PKIA: variants seen among roughly 807,000 people sequenced by gnomAD.
PKIA encodes the protein PKI-alpha.
In PKIA, 4 loss-of-function variants were observed where a neutral mutation model predicts 7.6. The observed-to-expected ratio is 0.52, with a 90% CI of 0.26 to 1.20. The LOEUF (loss-of-function observed/expected upper bound fraction) is 1.20. Ranked by LOEUF, PKIA falls within the 50% of genes most tolerant of loss-of-function variation. The pLI is 0.13. For synonymous variants in PKIA, 21 were observed against 30.7 expected (o/e 0.68, Z 1.04); for missense variants, 73 against 86.2 (o/e 0.85, Z 0.61).
chr8:78,518,070 T>C (rs1460495637), intron 1 of PKIA, among the ~76,000 whole-genome samples: 1 of 152,254 alleles, frequency 6.6e-6, no homozygotes, highest in African/African-American at 2.4e-5. Context: ...GAAAATCGTG[T>C]TAATCATATT....
At chr8:78,594,443 T>A (rs10097605) in intron 2 of PKIA, among the ~76,000 whole-genome samples, 2 of 152,096 alleles carry the variant, frequency 1.3e-5, no homozygotes, top group Admixed American at 6.6e-5. Flanking sequence ...ATGTGTTCTA[T>A]AGGCTGTGCA....
At chr8:78,592,174 A>C (rs938459283) in intron 2 of PKIA, among the ~76,000 whole-genome samples, 11 of 152,230 alleles carry the variant, frequency 7.2e-5, no homozygotes, top group African/African-American at 2.4e-4. Flanking sequence ...TGAGCACTTA[A>C]GGGGAATTCA....
At chr8:78,584,378 C>T (rs1807898884) in intron 2 of PKIA, among the ~76,000 whole-genome samples, 1 of 152,020 alleles carries the variant, frequency 6.6e-6, no homozygotes, top group South Asian at 2.1e-4. Flanking sequence ...GGAAGTATAG[C>T]CAAGCATGGC....
At chr8:78,547,629 C>T (rs1170826789) in intron 1 of PKIA, among the ~76,000 whole-genome samples, 3 of 152,086 alleles carry the variant, frequency 2.0e-5, no homozygotes, top group African/African-American at 4.8e-5. Flanking sequence ...AATTTAAAGA[C>T]ATAAGATGAG....
rs182714461 is a variant in PKIA, at chr8:78,567,342, T to C, written c.-156-5469T>C. 1.0e-3 allele frequency among the ~76,000 whole-genome samples: 153 copies of C among 152,288 alleles called. 1 individual carries two copies. Among genetic ancestry groups the C allele is most frequent in the East Asian group, 9.1e-3 (47 of 5,174 alleles). On this transcript the variant is annotated intron_variant, in intron 1 of 3. Coordinates refer to ENST00000396418, the MANE Select transcript of PKIA (RefSeq NM_006823.4). ...GATACTGTATTACATTTAGTTGTCA[T>C]GTTTTCTTAGGATCCCCTTAGTTGT...
chr8:78,559,715 A>G (rs530508218), intron 1 of PKIA, among the ~76,000 whole-genome samples: 1 of 152,328 alleles, frequency 6.6e-6, no homozygotes, highest in Admixed American at 6.5e-5. Flanking sequence ...ATTCTGGCAA[A>G]CCAGCATAGT....
chr8:78,531,090 T>C, intron 1 of PKIA, among the ~76,000 whole-genome samples: 1 of 152,128 alleles, frequency 6.6e-6, no homozygotes, highest in East Asian at 1.9e-4. Flanking sequence ...ATTAGTCATT[T>C]GCTGTCATTT....
At chr8:78,581,353 T>A (rs889230242) in intron 2 of PKIA, among the ~76,000 whole-genome samples, 2 of 152,248 alleles carry the variant, frequency 1.3e-5, no homozygotes, top group East Asian at 3.9e-4. Flanking sequence ...ATAAATTGAA[T>A]ACATTATGTT....
chr8:78,539,682 G>T (rs934538649), intron 1 of PKIA, among the ~76,000 whole-genome samples: 1 of 151,902 alleles, frequency 6.6e-6, no homozygotes, highest in African/African-American at 2.4e-5. Context: ...AAGAATATGT[G>T]ATTATGTAGT....
chr8:78,519,536 A>G lies in PKIA; in HGVS notation c.-157+3068A>G, dbSNP rs181599815. ...AGGCTCAAATAGAAATGTCATTTCT[A>G]TTCAACCAGTGACTCCACTGAGAAT... On this transcript the variant is annotated intron_variant, in intron 1 of 3. Transcript: ENST00000396418. Among the ~76,000 whole-genome samples the G allele has an allele frequency of 3.8e-4, 58 of 152,346 alleles. No homozygotes were observed. In the East Asian group the frequency reaches 0.011, roughly 29 times the overall value.
intron 1 of PKIA, among the ~76,000 whole-genome samples, chr8:78,564,601 C>T (rs898208123): frequency 1.3e-5 from 2 of 151,736 alleles, no homozygotes; most frequent in African/African-American, 2.4e-5. Flanking sequence ...TAAAAGTGGT[C>T]ATAGCTTTTT....
chr8:78,555,356 A>G (rs905605460), intron 1 of PKIA, among the ~76,000 whole-genome samples: 1 of 151,588 alleles, frequency 6.6e-6, no homozygotes, highest in African/African-American at 2.4e-5. Context: ...TAAAAAAAAA[A>G]TGACTAAGAT....
Position 78,538,965 on chromosome 8 carries a change from C to A in PKIA, c.-157+22497C>A, listed in dbSNP as rs183920809. Among the ~76,000 whole-genome samples the A allele has an allele frequency of 3.9e-5, 6 of 151,972 alleles. No individual in the cohort carries two copies. The East Asian group carries it at 1.2e-3, about 30-fold the overall frequency. On this transcript the variant is annotated intron_variant, in intron 1 of 3. Transcript: ENST00000396418. ...TATGAGTGAATTATGCATGCTATGA[C>A]AAGGAGGCTTTTTTAAATATGAGAA... is the stretch of plus-strand genomic sequence containing the variant.
intron 2 of PKIA, among the ~76,000 whole-genome samples, chr8:78,587,851 A>C (rs1807988093): frequency 6.6e-6 from 1 of 152,196 alleles, no homozygotes. Context: ...TTAGACAGGA[A>C]AATGAACTGG....
chr8:78,546,793 C>T (rs534247330), intron 1 of PKIA, among the ~76,000 whole-genome samples: 1 of 152,254 alleles, frequency 6.6e-6, no homozygotes, highest in East Asian at 1.9e-4. Flanking sequence ...GTCTTTTTCA[C>T]CAGCTACTGA....
intron 1 of PKIA, among the ~76,000 whole-genome samples, chr8:78,571,214 C>A (rs1807539639): frequency 6.6e-6 from 1 of 151,392 alleles, no homozygotes; most frequent in African/African-American, 2.4e-5. Flanking sequence ...ACACTTAGGA[C>A]CTTTGATTTG....
chr8:78,573,109 C>CA (rs1807592302), intron 2 of PKIA, among the ~76,000 whole-genome samples, 170 bp downstream of exon 2: 2 of 152,028 alleles, frequency 1.3e-5, no homozygotes, highest in Non-Finnish European at 2.9e-5. Context: ...GAGGGAAACT[C>CA]ATACAATAAC....
intron 1 of PKIA, among the ~76,000 whole-genome samples, chr8:78,525,616 C>T (rs985296111): frequency 1.3e-5 from 2 of 151,918 alleles, no homozygotes; most frequent in South Asian, 2.1e-4. Flanking sequence ...AATGGCATTA[C>T]GGTGTTATGA....
intron 1 of PKIA, among the ~76,000 whole-genome samples, chr8:78,559,984 A>G (rs1807244761): frequency 6.6e-6 from 1 of 152,216 alleles, no homozygotes; most frequent in Non-Finnish European, 1.5e-5. Flanking sequence ...TTAATTCCTA[A>G]AGGTAATTTA....
Sources: gnomAD v4.1 joint callset for allele counts (sites outside exome capture counted in the v4.1 genomes callset) on GRCh38, gnomAD v4.1.1 for gene constraint, MANE v1.5 for transcripts, NCBI Gene and HGNC (gene_info 2026-07-23, HGNC 2026-07-21) for gene names.